DGKG: variants seen among roughly 807,000 people sequenced by gnomAD.
DGKG encodes DAG kinase gamma.
A neutral mutation model predicts 105.3 loss-of-function variants in DGKG; 78 were observed. That is an observed-to-expected ratio of 0.74 (90% confidence interval 0.62 to 0.89). DGKG has a LOEUF of 0.89. Among genes scored for constraint, DGKG ranks in the 40% least tolerant of loss-of-function variants. The pLI, the probability that DGKG is intolerant of heterozygous loss-of-function variation, is 0.00. For missense variants in DGKG, 958 were observed against 1,020.1 expected (o/e 0.94, Z 0.83); for synonymous variants, 346 against 367.1 (o/e 0.94, Z 0.66).
At chr3:186,239,445 G>A (rs1402242747) in intron 20 of DGKG, among the ~76,000 whole-genome samples, 1 of 152,162 alleles carries the variant, frequency 6.6e-6, no homozygotes, top group South Asian at 2.1e-4. Context: ...AAGTTTAGCC[G>A]CTGGTGTAAT....
In DGKG at chr3:186,313,594, C is replaced by T. The variant is rs571844763; in HGVS notation, c.68-6617G>A. On this transcript the variant is annotated intron_variant, in intron 2 of 24. Transcript: ENST00000265022. ...GTCCCTGGACCAGCAGCATCAGCAT[C>T]ACCTGGGAGCTTGTTAGAAAAGCAG... is the stretch of plus-strand genomic sequence containing the variant. 5.7e-6 allele frequency: 5 copies of T among 871,056 alleles called. No homozygotes were observed. In the East Asian group the frequency reaches 4.8e-4, roughly 84 times the overall value. The allele number at this position is 871,056 out of a possible 1,614,324, so 54.0% of individuals were successfully genotyped here. A position where few individuals can be genotyped will look rare whatever the true frequency, so the allele number is the denominator to read the frequency against.
intron 20 of DGKG, among the ~76,000 whole-genome samples, chr3:186,215,412 CAAAAAA>C (rs71632094): frequency 1.4e-5 from 1 of 73,386 alleles, no homozygotes; most frequent in Non-Finnish European, 2.5e-5. Context: ...CCCCCATCTC[CAAAAAA>C]AAAAAAAAAA....
At chr3:186,158,781 ATAT>A in intron 24 of DGKG, 7 of 928,562 alleles carry the variant, frequency 7.5e-6, no homozygotes, top group Non-Finnish European at 9.0e-6. Flanking sequence ...ATAGTTTTTT[ATAT>A]ATTTTGATTC....
chr3:186,148,446 G>C lies in DGKG; in HGVS notation c.*1644C>G. On this transcript the variant is annotated 3_prime_UTR_variant, in exon 25 of 25. Transcript: ENST00000265022. Reference sequence around the variant, plus strand: ...CCATTCAGGTCAGAGAGAACCTCTGGGAAGCAGCATGAGGCGCTCGTTTTC... The same window carrying C: ...CCATTCAGGTCAGAGAGAACCTCTGCGAAGCAGCATGAGGCGCTCGTTTTC... The C allele has an allele frequency of 1.0e-6, 1 of 985,358 alleles. No homozygotes were observed. The highest frequency in any genetic ancestry group is 1.2e-6 in the Non-Finnish European group (1 of 829,928). 61.0% of individuals were successfully genotyped at this position (985,358 alleles called of 1,614,324 possible).
At chr3:186,341,888 A>T (rs933077055) in intron 1 of DGKG, among the ~76,000 whole-genome samples, 3 of 152,098 alleles carry the variant, frequency 2.0e-5, no homozygotes, top group East Asian at 3.9e-4. Context: ...AAATTGGAAA[A>T]CATCATTCTC....
intron 16 of DGKG, 100 bp downstream of exon 16, chr3:186,260,339 G>A (rs1296202890): frequency 3.5e-6 from 3 of 850,246 alleles, no homozygotes; most frequent in Non-Finnish European, 5.8e-6. Context: ...GAAGGAACAA[G>A]TTGAGAGACG....
In DGKG at chr3:186,156,141, T is replaced by C. The variant is rs1477028302; in HGVS notation, c.2277+5462A>G. ...ATTTTTGACTTGTAGAAATTAAAATTGGTTAACAGTCAAATATGTCCCTTT... is the reference window on the plus strand; with the variant it reads ...ATTTTTGACTTGTAGAAATTAAAATCGGTTAACAGTCAAATATGTCCCTTT... On this transcript the variant is annotated intron_variant, in intron 24 of 24. Transcript: ENST00000265022. 2.6e-5 allele frequency among the ~76,000 whole-genome samples: 4 copies of C among 152,318 alleles called. No individual in the cohort carries two copies. The East Asian group carries it at 7.7e-4, about 29-fold the overall frequency.
intron 1 of DGKG, among the ~76,000 whole-genome samples, chr3:186,332,125 G>A (rs1725632949): frequency 1.3e-5 from 2 of 152,170 alleles, no homozygotes; most frequent in Admixed American, 6.5e-5. Context: ...CCACGCCCTG[G>A]TCCTCAACAT....
chr3:186,285,612 C>T (rs1319504323), intron 6 of DGKG, among the ~76,000 whole-genome samples: 1 of 151,696 alleles, frequency 6.6e-6, no homozygotes, highest in Middle Eastern at 3.2e-3. Flanking sequence ...TCTGTGGTCT[C>T]ATAAGTCAGC....
Position 186,251,914 on chromosome 3 carries a change from C to T in DGKG, c.1606G>A (p.Glu536Lys), listed in dbSNP as rs1320052705. ...ARCLRWGGGY[E>K]GGSLTKILKD... ...AGGATTTTTGTCAAGCTGCCCCCTTCATAACCTGTGGAGGACAGCACTGCA... is the reference window on the plus strand; with the variant it reads ...AGGATTTTTGTCAAGCTGCCCCCTTTATAACCTGTGGAGGACAGCACTGCA... Residue 536 changes from glutamate (E) to lysine (K), a missense_variant, in exon 19 of 25, where the codon GAA (glutamate) becomes AAA (lysine). Around this residue, in one of 2 missense-constraint regions of DGKG, gnomAD observed 315 missense variants for 400.6 expected, o/e 0.79. Transcript: ENST00000265022. The T allele has an allele frequency of 6.3e-7, 1 of 1,578,342 alleles. No homozygotes were observed. The highest frequency in any genetic ancestry group is 8.6e-7 in the Non-Finnish European group (1 of 1,160,794).
At chr3:186,288,941 C>A in intron 5 of DGKG, 61 bp from the exon 6 acceptor site, 3 of 1,444,474 alleles carry the variant, frequency 2.1e-6, no homozygotes, top group Non-Finnish European at 2.8e-6. Flanking sequence ...ATTAACCCCT[C>A]TTTGTTACCC....
intron 2 of DGKG, chr3:186,313,564 G>T (rs1307173303): frequency 5.1e-6 from 5 of 981,916 alleles, no homozygotes; most frequent in South Asian, 4.7e-5. Flanking sequence ...GCAACTAAAA[G>T]TGTGGTCCCT....
At position 186,297,994 on chromosome 3, in the gene DGKG, G is replaced by C. The variant is rs532103696; in HGVS notation, c.310+70C>G. The C allele has an allele frequency of 1.9e-5, 29 of 1,513,478 alleles. No homozygotes were observed. The African/African-American group carries it at 3.5e-4, about 18-fold the overall frequency. The allele number at this position is 1,513,478 out of a possible 1,614,324, so 93.8% of individuals were successfully genotyped here. On this transcript the variant is annotated intron_variant, in intron 4 of 24. Coordinates refer to ENST00000265022, the MANE Select transcript of DGKG (RefSeq NM_001346.3). ...TATGTTCAGGGGACCCTCTAGGAAT[G>C]CAGTCTGTGGCTGTGGCAGGGGATG...
At position 186,299,841 on chromosome 3, in the gene DGKG, T is replaced by TTTCTTTCCTTCCTTC. The variant is rs1446531456; in HGVS notation, c.145-1613_145-1612insGAAGGAAGGAAAGAA. The stretch of plus-strand genomic sequence containing the variant: ...TCTTTCTTTCTTTCTTTCTTTCTTT[T>TTTCTTTCCTTCCTTC]TTTTTTTTTTTGAGATAGAGCCTTG... On this transcript the variant is annotated intron_variant, in intron 3 of 24. Coordinates refer to ENST00000265022, the MANE Select transcript of DGKG (RefSeq NM_001346.3). 3.2e-4 allele frequency among the ~76,000 whole-genome samples: 24 copies of TTTCTTTCCTTCCTTC among 74,658 alleles called. 1 individual carries two copies. The highest frequency in any genetic ancestry group is 1.3e-3 in the African/African-American group (22 of 17,084). The allele number at this position is 74,658 out of a possible 152,430, so 49.0% of individuals were successfully genotyped here. A position where few individuals can be genotyped will look rare whatever the true frequency, so the allele number is the denominator to read the frequency against.
intron 1 of DGKG, among the ~76,000 whole-genome samples, chr3:186,326,340 A>G (rs560787129): frequency 1.3e-5 from 2 of 151,908 alleles, no homozygotes; most frequent in African/African-American, 4.8e-5. Context: ...TGGATGTTGC[A>G]GCGAGCCGAG....
chr3:186,267,800 G>C (rs745308056), intron 12 of DGKG, 23 bp from the exon 13 acceptor site: 2 of 1,607,572 alleles, frequency 1.2e-6, no homozygotes, highest in South Asian at 1.1e-5. Flanking sequence ...ATGAAAAAGA[G>C]AGTGAGTGAA....
chr3:186,270,790 A>G (rs572100683), intron 11 of DGKG, among the ~76,000 whole-genome samples: 1 of 152,302 alleles, frequency 6.6e-6, no homozygotes, highest in Admixed American at 6.5e-5. Context: ...ACATCGCCTT[A>G]CCCATTCTCT....
At position 186,242,492 on chromosome 3, in the gene DGKG, C is replaced by A; in HGVS notation, c.1826+12G>T. 1 of 1,610,024 alleles carries A rather than the reference C, an allele frequency of 6.2e-7. No individual in the cohort carries two copies. On this transcript the variant is annotated intron_variant, in intron 20 of 24. Coordinates refer to ENST00000265022, the MANE Select transcript of DGKG (RefSeq NM_001346.3). ...CTGGGTGGGTGGCAGCGCAGCCGGG[C>A]CTGCAGCTTACCTGCTGTTGAATTT...
At chr3:186,324,262 C>T (rs1463293056) in intron 1 of DGKG, among the ~76,000 whole-genome samples, 1 of 152,120 alleles carries the variant, frequency 6.6e-6, no homozygotes, top group African/African-American at 2.4e-5. Flanking sequence ...CTGGGCTCTG[C>T]CCTTCTGAGC....
Sources: allele counts gnomAD v4.1 joint callset (sites outside exome capture counted in the v4.1 genomes callset), GRCh38; gene constraint gnomAD v4.1.1; regional missense constraint gnomAD v4.1.1; transcripts MANE v1.5; gene names NCBI Gene and HGNC (gene_info 2026-07-23, HGNC 2026-07-21).